ADCK2: variants seen among roughly 807,000 people sequenced by gnomAD.
The protein encoded by ADCK2 is aarF domain containing kinase 2.
Under a neutral mutation model 52.3 loss-of-function variants are expected in ADCK2, and 37 were observed. That is an observed-to-expected ratio of 0.71 (90% CI 0.54 to 0.93). The LOEUF is 0.93. ADCK2 is among the 40% of genes least tolerant of loss of function. The pLI is 0.00. For synonymous variants in ADCK2, 321 were observed against 349.2 expected (o/e 0.92, Z 0.90); for missense variants, 695 against 798.7 (o/e 0.87, Z 1.56).
In ADCK2 at chr7:140,693,229, C is replaced by T. The variant is rs747235002; in HGVS notation, c.1741-1434C>T. ...AATCTAATCCACACTAAGAACCCCC[C>T]ACCCAGCTTCAGAATGAAAGCATTC... On this transcript the variant is annotated intron_variant, in intron 7 of 7. Transcript: ENST00000072869. The surrounding 1 kb of genome is among the most constrained non-coding windows in gnomAD (Gnocchi z 4.0). Among the ~76,000 whole-genome samples the T allele has an allele frequency of 2.0e-5, 3 of 152,152 alleles. No individual in the cohort carries two copies. Among genetic ancestry groups the T allele is most frequent in the African/African-American group, 7.2e-5 (3 of 41,430 alleles).
At position 140,673,694 on chromosome 7, in the gene ADCK2, C is replaced by A; in HGVS notation, c.364C>A (p.Leu122Met). 6.2e-7 allele frequency: 1 copy of A among 1,612,084 alleles called. No homozygotes were observed. The highest frequency in any genetic ancestry group is 8.5e-7 in the Non-Finnish European group (1 of 1,179,858). Residue 122 changes from leucine to methionine, a missense_variant, in exon 1 of 8, where the codon CTG (leucine) becomes ATG (methionine). Coordinates refer to ENST00000072869, the MANE Select transcript of ADCK2 (RefSeq NM_052853.4). The surrounding 1 kb of genome is among the most constrained non-coding windows in gnomAD (Gnocchi z 6.4). Reference protein sequence around the residue: ...PLLLLYPLTYLAPSVSTLWLH... With the variant: ...PLLLLYPLTYMAPSVSTLWLH... The stretch of plus-strand genomic sequence containing the variant: ...CCTACTCCTCTACCCCCTCACCTAC[C>A]TGGCTCCCAGCGTCTCCACCCTCTG...
intron 5 of ADCK2, 21 bp from the exon 6 acceptor site, chr7:140,689,576 C>T (rs753942435): frequency 2.1e-5 from 33 of 1,583,816 alleles, no homozygotes; most frequent in African/African-American, 4.1e-5. Context: ...CTCCAAGTCC[C>T]TTTTCCGTTG....
At chr7:140,686,875 C>G (rs773272000) in intron 4 of ADCK2, 115 bp from the exon 5 acceptor site, 101 of 1,403,316 alleles carry the variant, frequency 7.2e-5, no homozygotes, top group Non-Finnish European at 9.5e-5. Flanking sequence ...ACATGCACCT[C>G]TTTGCGGCTG....
Position 140,674,746 on chromosome 7 carries a change from A to C in ADCK2, c.1069A>C (p.Met357Leu). Residue 357 changes from methionine (M) to leucine (L), a missense_variant, in exon 2 of 8, where the codon ATG becomes CTG. Transcript: ENST00000072869. The surrounding 1 kb of genome is among the most constrained non-coding windows in gnomAD (Gnocchi z 4.6). ...GATTGTGGAGGAATTTGAGAAGCTG[A>C]TGGTCCAACAGGTGAGTTCTCCTCC... is the stretch of plus-strand genomic sequence containing the variant. ...PEIVEEFEKL[M>L]VQQIDLRYEA... The C allele has an allele frequency of 6.2e-7, 1 of 1,614,014 alleles. No homozygotes were observed. Among genetic ancestry groups the C allele is most frequent in the Non-Finnish European group, 8.5e-7 (1 of 1,179,942 alleles).
At chr7:140,686,201 T>C (rs764053088) in intron 4 of ADCK2, among the ~76,000 whole-genome samples, 1 of 152,266 alleles carries the variant, frequency 6.6e-6, no homozygotes. Context: ...AGAATATTAA[T>C]GATTCAAATC....
At chr7:140,694,088 AG>A (rs1794754159) in intron 7 of ADCK2, among the ~76,000 whole-genome samples, 1 of 152,160 alleles carries the variant, frequency 6.6e-6, no homozygotes, top group Admixed American at 6.6e-5. Context: ...GGGGCAGCCA[AG>A]GTGGGAGGAT....
Position 140,674,544 on chromosome 7 carries a change from C to G in ADCK2, c.934-67C>G. 6.4e-7 allele frequency: 1 copy of G among 1,551,354 alleles called. No homozygotes were observed. On this transcript the variant is annotated intron_variant, in intron 1 of 7. Coordinates refer to ENST00000072869, the MANE Select transcript of ADCK2 (RefSeq NM_052853.4). The surrounding 1 kb of genome is among the most constrained non-coding windows in gnomAD (Gnocchi z 4.6). The stretch of plus-strand genomic sequence containing the variant: ...CCTGGCTCTTGCTTGGATGGTGGGA[C>G]CCAGCCCTGGCTGGGTAAAATGTGT...
At position 140,673,798 on chromosome 7, in the gene ADCK2, C is replaced by A. The variant is rs747538957; in HGVS notation, c.468C>A (p.Arg156=). 8.7e-6 allele frequency: 14 copies of A among 1,613,970 alleles called. No individual in the cohort carries two copies. In the South Asian group the frequency reaches 1.4e-4, roughly 16 times the overall value. The stretch of plus-strand genomic sequence containing the variant: ...TGGGCCAGTGGGCCAGCACCCGGCG[C>A]GATCTGTTTTCGGAGGCTTTCTGTG... ...IKLGQWASTR[R]DLFSEAFCAQ... Residue 156 remains arginine, a synonymous_variant, in exon 1 of 8, where the codon CGC becomes CGA. Coordinates refer to ENST00000072869, the MANE Select transcript of ADCK2 (RefSeq NM_052853.4). The surrounding 1 kb of genome is among the most constrained non-coding windows in gnomAD (Gnocchi z 6.4).
chr7:140,684,123 C>G (rs900921967), intron 4 of ADCK2, among the ~76,000 whole-genome samples: 1 of 152,098 alleles, frequency 6.6e-6, no homozygotes, highest in Non-Finnish European at 1.5e-5. Flanking sequence ...GGTATTTTGC[C>G]TATCTGCAGT....
Position 140,674,651 on chromosome 7 carries a change from T to C in ADCK2, c.974T>C (p.Leu325Pro). The C allele has an allele frequency of 1.2e-6, 2 of 1,614,140 alleles. No homozygotes were observed. Among genetic ancestry groups the C allele is most frequent in the Non-Finnish European group, 1.7e-6 (2 of 1,180,018 alleles). Residue 325 changes from leucine to proline, a missense_variant, in exon 2 of 8, where the codon CTG (leucine) becomes CCG (proline). Physicochemically the swap from Leu to Pro is moderately conservative, Grantham distance 98. Transcript: ENST00000072869. This position sits in a 1 kb window ranked among gnomAD's most constrained non-coding sequence, Gnocchi z 4.6. ...PGLLAQVHMDLLLMKIGSRVL... is the reference protein window; with the variant it reads ...PGLLAQVHMDPLLMKIGSRVL... ...CTGCTCGCTCAGGTGCATATGGACCTGCTGCTGATGAAGATTGGCAGCCGA... is the reference window on the plus strand; with the variant it reads ...CTGCTCGCTCAGGTGCATATGGACCCGCTGCTGATGAAGATTGGCAGCCGA...
At chr7:140,692,194 C>T (rs909349436) in intron 7 of ADCK2, among the ~76,000 whole-genome samples, 1 of 152,222 alleles carries the variant, frequency 6.6e-6, no homozygotes, top group African/African-American at 2.4e-5. Context: ...GCTCCCCATT[C>T]CCCTCTCCAT....
chr7:140,685,731 C>T (rs1054575929), intron 4 of ADCK2, among the ~76,000 whole-genome samples: 3 of 152,148 alleles, frequency 2.0e-5, no homozygotes, highest in African/African-American at 7.2e-5. Context: ...CTTGGGGCCC[C>T]ATGTCAGCTG....
At position 140,689,736 on chromosome 7, in the gene ADCK2, CACTTGCGGA is replaced by C. The variant is rs768870962; in HGVS notation, c.1686+14_1686+22del. ...ATCACCCTGGAGAAGGTGGGCAGGT[CACTTGCGGA>C]ACAGGGGCTGGGGAGTCCATACCTG... On this transcript the variant is annotated intron_variant, in intron 6 of 7. Coordinates refer to ENST00000072869, the MANE Select transcript of ADCK2 (RefSeq NM_052853.4). The C allele has an allele frequency of 1.2e-6, 2 of 1,606,868 alleles. No homozygotes were observed. The highest frequency in any genetic ancestry group is 4.5e-5 in the East Asian group (2 of 44,616).
At chr7:140,684,799 G>A (rs896891120) in intron 4 of ADCK2, among the ~76,000 whole-genome samples, 3 of 152,150 alleles carry the variant, frequency 2.0e-5, no homozygotes, top group African/African-American at 7.2e-5. Flanking sequence ...CTGTGGGATG[G>A]GGAGTCAGCA....
chr7:140,679,626 C>T (rs1242008440), intron 3 of ADCK2, among the ~76,000 whole-genome samples: 1 of 151,356 alleles, frequency 6.6e-6, no homozygotes, highest in Non-Finnish European at 1.5e-5. Context: ...TCTCACTTGC[C>T]CTAGCTATCC....
At position 140,673,959 on chromosome 7, in the gene ADCK2, G is replaced by C. The variant is rs779140491; in HGVS notation, c.629G>C (p.Cys210Ser). ...AACCGGGAACCTGTGGGCTCAGGCT[G>C]CGTGGCCCAGGTGTACAAAGCATAC... ...FENREPVGSGCVAQVYKAYAN... is the reference protein window; with the variant it reads ...FENREPVGSGSVAQVYKAYAN... Residue 210 changes from cysteine to serine, a missense_variant, in exon 1 of 8, where the codon TGC (cysteine) becomes TCC (serine). By Grantham distance (112) the Cys-to-Ser change is moderately radical. Coordinates refer to ENST00000072869, the MANE Select transcript of ADCK2 (RefSeq NM_052853.4). This position sits in a 1 kb window ranked among gnomAD's most constrained non-coding sequence, Gnocchi z 6.4. The C allele has an allele frequency of 3.7e-6, 6 of 1,613,932 alleles. No homozygotes were observed. In the African/African-American group the frequency reaches 4.0e-5, roughly 11 times the overall value.
rs1563209487 is a variant in ADCK2, at chr7:140,686,980, CTCCTT to C, written c.1306-9_1306-5del. Reference sequence around the variant, plus strand: ...GCGACTCACTCATGAGCATTGTGATCTCCTTCCAGATATTTGTGGATAACTTTGTC... The same window carrying C: ...GCGACTCACTCATGAGCATTGTGATCCCAGATATTTGTGGATAACTTTGTC... On this transcript the variant is annotated splice_polypyrimidine_tract_variant and splice_region_variant and intron_variant, in intron 4 of 7. Coordinates refer to ENST00000072869, the MANE Select transcript of ADCK2 (RefSeq NM_052853.4). 6.2e-7 allele frequency: 1 copy of C among 1,610,022 alleles called. No individual in the cohort carries two copies. Among genetic ancestry groups the C allele is most frequent in the Non-Finnish European group, 8.5e-7 (1 of 1,176,500 alleles).
chr7:140,690,634 C>G, intron 6 of ADCK2, 126 bp from the exon 7 acceptor site: 2 of 736,410 alleles, frequency 2.7e-6, no homozygotes, highest in South Asian at 3.7e-5. Flanking sequence ...TTTGTGCTGA[C>G]TGGTGTATGT....
Position 140,679,236 on chromosome 7 carries a change from C to T in ADCK2, c.1162C>T (p.Pro388Ser). Reference protein sequence around the residue: ...RNVKAVKFPTPLRPFVTREVL... With the variant: ...RNVKAVKFPTSLRPFVTREVL... ...TGTGAAAGCCGTCAAGTTCCCCACC[C>T]CTCTGCGCCCCTTTGTCACCAGAGA... The change falls in exon 3 of 8, where the codon CCT becomes TCT. Residue 388 changes from proline to serine, a missense_variant. Physicochemically the swap from Pro to Ser is moderately conservative, Grantham distance 74. Coordinates refer to ENST00000072869, the MANE Select transcript of ADCK2 (RefSeq NM_052853.4). The T allele has an allele frequency of 6.2e-7, 1 of 1,614,138 alleles. No individual in the cohort carries two copies. The highest frequency in any genetic ancestry group is 8.5e-7 in the Non-Finnish European group (1 of 1,180,004).
Sources: allele counts gnomAD v4.1 joint callset (sites outside exome capture counted in the v4.1 genomes callset), GRCh38; gene constraint gnomAD v4.1.1; non-coding constraint Gnocchi (gnomAD v3.1); transcripts MANE v1.5; gene names NCBI Gene and HGNC (gene_info 2026-07-23, HGNC 2026-07-21).